ITIH1: variants seen among roughly 807,000 people sequenced by gnomAD.
ITIH1 encodes inter-alpha-trypsin inhibitor heavy chain H1.
A neutral mutation model predicts 104.6 loss-of-function variants in ITIH1; 94 were observed. The ratio of observed to expected loss-of-function variants is 0.90; its 90% CI spans 0.76 to 1.07. ITIH1 has a LOEUF of 1.07. ITIH1 is among the 50% of genes least tolerant of loss of function. The probability of loss-of-function intolerance (pLI) is 0.00; values close to 1 mark genes in which losing one functional copy is unlikely to be tolerated. For synonymous variants in ITIH1, 455 were observed against 464.4 expected (o/e 0.98, Z 0.26); for missense variants, 1,193 against 1,181.4 (o/e 1.01, Z -0.14).
intron 3 of ITIH1, chr3:52,778,710 A>G (rs1698966146): frequency 7.0e-7 from 1 of 1,424,982 alleles, no homozygotes; most frequent in South Asian, 1.5e-5. Context: ...GGGACCCATC[A>G]CAGCATGTTT....
chr3:52,788,749 TG>T (rs1699271096), intron 18 of ITIH1, among the ~76,000 whole-genome samples: 3 of 152,082 alleles, frequency 2.0e-5, no homozygotes, highest in Non-Finnish European at 2.9e-5. Context: ...TTAGTAGAGA[TG>T]GGGTTTCACC....
rs146486517 is a variant in ITIH1, at chr3:52,780,333, C to T, written c.638C>T (p.Pro213Leu). 102 of 1,613,940 alleles carry T rather than the reference C, an allele frequency of 6.3e-5. No individual in the cohort carries two copies. Among genetic ancestry groups the T allele is most frequent in the African/African-American group, 9.3e-5 (7 of 74,916 alleles). Residue 213 changes from proline (P) to leucine (L), a missense_variant, in exon 6 of 22, where the codon CCG becomes CTG. Physicochemically the swap from Pro to Leu is moderately conservative, Grantham distance 98. Coordinates refer to ENST00000273283, the MANE Select transcript of ITIH1 (RefSeq NM_002215.4). ...SKLDAQASFL[P>L]KELAAQTIKK... ...CTGGATGCCCAGGCCTCTTTCCTGC[C>T]GAAGGAACTGGCAGCCCAAACTATC... is the stretch of plus-strand genomic sequence containing the variant.
intron 16 of ITIH1, 55 bp from the exon 17 acceptor site, chr3:52,787,931 G>A (rs1699243068): frequency 6.6e-7 from 1 of 1,514,974 alleles, no homozygotes; most frequent in Non-Finnish European, 9.2e-7. Flanking sequence ...GGGATCAGCA[G>A]CTCCAGGGAA....
chr3:52,786,839 CGAATGAATGAAT>C (rs36051478), intron 13 of ITIH1, 94 bp from the exon 14 acceptor site: 103 of 1,174,612 alleles, frequency 8.8e-5, no homozygotes, highest in Admixed American at 2.1e-4. Flanking sequence ...ACTTATGTGT[CGAATGAATGAAT>C]GAATGAATGA....
rs1578746384 is a variant in ITIH1 at position 52,792,046 on chromosome 3, A to C, written c.*135A>C. On this transcript the variant is annotated 3_prime_UTR_variant, in exon 22 of 22. Transcript: ENST00000273283. ...TCAAAGCACCTCATGCCTTCCATTAAAGAGAGGCCGTGTCCACCCTGAGCT... is the reference window on the plus strand; with the variant it reads ...TCAAAGCACCTCATGCCTTCCATTACAGAGAGGCCGTGTCCACCCTGAGCT... 1 of 1,038,312 alleles carries C rather than the reference A, an allele frequency of 9.6e-7. No individual in the cohort carries two copies. Among genetic ancestry groups the C allele is most frequent in the East Asian group, 2.5e-5 (1 of 39,628 alleles). 64.3% of individuals were successfully genotyped at this position (1,038,312 alleles called of 1,614,324 possible). A position where few individuals can be genotyped will look rare whatever the true frequency, so the allele number is the denominator to read the frequency against.
rs948733235 is a variant in ITIH1, at chr3:52,778,328, G to A, written c.139-12G>A. 5 of 1,613,922 alleles carry A rather than the reference G, an allele frequency of 3.1e-6. No homozygotes were observed. In the African/African-American group the frequency reaches 4.0e-5, roughly 13 times the overall value. On this transcript the variant is annotated splice_polypyrimidine_tract_variant and intron_variant, in intron 2 of 21. Coordinates refer to ENST00000273283, the MANE Select transcript of ITIH1 (RefSeq NM_002215.4). ...CTGTCTCAGGCCACAGCTCCTTCATGTCTCACTTTAGGCTGTCGATGGCGT... is the reference window on the plus strand; with the variant it reads ...CTGTCTCAGGCCACAGCTCCTTCATATCTCACTTTAGGCTGTCGATGGCGT...
rs1406274618 is a variant in ITIH1, at chr3:52,791,523, T to C, written c.2501T>C (p.Phe834Ser). 2 of 1,613,836 alleles carry C rather than the reference T, an allele frequency of 1.2e-6. No individual in the cohort carries two copies. Among genetic ancestry groups the C allele is most frequent in the Non-Finnish European group, 1.7e-6 (2 of 1,179,888 alleles). ...CTCCAATGTGCCTTTCTAGGGCAAT[T>C]TTTCCACCCCATCGGTTTTGAAGTG... is the stretch of plus-strand genomic sequence containing the variant. ...SARTHGLLGQ[F>S]FHPIGFEVSD... is the part of the protein sequence containing the mutation. Residue 834 changes from phenylalanine (F) to serine (S), a missense_variant, in exon 21 of 22, where the codon TTT becomes TCT. Transcript: ENST00000273283.
intron 16 of ITIH1, 54 bp from the exon 17 acceptor site, chr3:52,787,932 C>T (rs1699243146): frequency 6.6e-6 from 10 of 1,522,858 alleles, no homozygotes; most frequent in Non-Finnish European, 9.1e-6. Flanking sequence ...GGATCAGCAG[C>T]TCCAGGGAAG....
chr3:52,787,233 T>A, intron 15 of ITIH1, 31 bp downstream of exon 15: 6 of 1,613,482 alleles, frequency 3.7e-6, no homozygotes, highest in Non-Finnish European at 5.1e-6. Context: ...GTTTCAGTTC[T>A]GGGCTTCGGT....
intron 8 of ITIH1, 61 bp downstream of exon 8, chr3:52,782,328 C>T: frequency 1.5e-6 from 2 of 1,313,698 alleles, no homozygotes; most frequent in African/African-American, 1.4e-5. Flanking sequence ...TCACTCACCA[C>T]ATGCCAGTTT....
chr3:52,787,497 C>T, intron 15 of ITIH1, 95 bp from the exon 16 acceptor site: 5 of 1,477,090 alleles, frequency 3.4e-6, no homozygotes, highest in Non-Finnish European at 4.7e-6. Context: ...AGAGGGACGG[C>T]TGGGCCCAGG....
At chr3:52,789,469 G>T (rs948296620) in intron 18 of ITIH1, among the ~76,000 whole-genome samples, 184 bp from the exon 19 acceptor site, 2 of 152,182 alleles carry the variant, frequency 1.3e-5, no homozygotes, top group Non-Finnish European at 2.9e-5. Context: ...TGGCAGGAGG[G>T]GTGGAGAGGA....
chr3:52,780,353 A>C lies in ITIH1; in HGVS notation c.658A>C (p.Thr220Pro). The change falls in exon 6 of 22, where the codon ACT becomes CCT. Residue 220 changes from threonine to proline, a missense_variant. Physicochemically the swap from Thr to Pro is conservative, Grantham distance 38. Transcript: ENST00000273283. ...SFLPKELAAQ[T>P]IKKSFSGKKG... ...CCTGCCGAAGGAACTGGCAGCCCAA[A>C]CTATCAAGAAGTCCTTCTCAGGAAA... The C allele has an allele frequency of 6.2e-7, 1 of 1,613,994 alleles. No homozygotes were observed. Among genetic ancestry groups the C allele is most frequent in the Non-Finnish European group, 8.5e-7 (1 of 1,179,944 alleles).
intron 16 of ITIH1, 108 bp downstream of exon 16, chr3:52,787,720 CT>C: frequency 1.5e-6 from 2 of 1,317,696 alleles, no homozygotes; most frequent in Non-Finnish European, 2.2e-6. Context: ...CACTGGGAAT[CT>C]TTAGAACAGA....
Position 52,779,193 on chromosome 3 carries a change from C to T in ITIH1, c.410+147C>T. The stretch of plus-strand genomic sequence containing the variant: ...CCCAAACCCAGATGCCAGCACGGTG[C>T]ACTGAACAGGCTGCCGTGCAGTTGC... On this transcript the variant is annotated intron_variant, in intron 4 of 21. Coordinates refer to ENST00000273283, the MANE Select transcript of ITIH1 (RefSeq NM_002215.4). This position sits in a 1 kb window ranked among gnomAD's most constrained non-coding sequence, Gnocchi z 4.4. The T allele has an allele frequency of 1.3e-6, 1 of 741,846 alleles. No homozygotes were observed. Among genetic ancestry groups the T allele is most frequent in the South Asian group, 1.6e-5 (1 of 62,448 alleles). The allele number at this position is 741,846 out of a possible 1,614,324, so 46.0% of individuals were successfully genotyped here. A position where few individuals can be genotyped will look rare whatever the true frequency, so the allele number is the denominator to read the frequency against.
chr3:52,788,168 C>T, intron 17 of ITIH1, 64 bp from the exon 18 acceptor site: 16 of 1,523,996 alleles, frequency 1.0e-5, no homozygotes, highest in Non-Finnish European at 1.5e-5. Context: ...TAGCTGAACC[C>T]CAACCCCTGG....
At position 52,785,137 on chromosome 3, in the gene ITIH1, A is replaced by G; in HGVS notation, c.1501A>G (p.Lys501Glu). The change falls in exon 12 of 22, where the codon AAA (lysine) becomes GAA (glutamate). Residue 501 changes from lysine (K) to glutamate (E), a missense_variant. Transcript: ENST00000273283. ...CTTGGCCCTGACCCAGAACCACCAT[A>G]AACAGTACTACGAAGGCTCAGAGAT... ...AVLALTQNHH[K>E]QYYEGSEIVV... The G allele has an allele frequency of 6.2e-7, 1 of 1,614,096 alleles. No homozygotes were observed. Among genetic ancestry groups the G allele is most frequent in the Non-Finnish European group, 8.5e-7 (1 of 1,180,012 alleles).
rs747995175 is a variant in ITIH1, at chr3:52,777,673, C to T, written c.58C>T (p.Leu20Phe). ...GTTGTGCATGTACCTGGTATCTCTC[C>T]TCATCCTGCAGGCCATGCCTGCCCT... ...LLLCMYLVSL[L>F]ILQAMPALGS... Residue 20 changes from leucine to phenylalanine, a missense_variant, in exon 1 of 22, where the codon CTC (leucine) becomes TTC (phenylalanine). Transcript: ENST00000273283. 1.9e-6 allele frequency: 3 copies of T among 1,606,998 alleles called. No individual in the cohort carries two copies. Among genetic ancestry groups the T allele is most frequent in the Non-Finnish European group, 2.5e-6 (3 of 1,176,814 alleles).
At chr3:52,785,305 C>A in intron 12 of ITIH1, 76 bp downstream of exon 12, 2 of 1,442,772 alleles carry the variant, frequency 1.4e-6, no homozygotes, top group South Asian at 1.2e-5. Flanking sequence ...TTCCCCATTC[C>A]TGCCATCCCC....
Sources: allele counts gnomAD v4.1 joint callset (sites outside exome capture counted in the v4.1 genomes callset), GRCh38; gene constraint gnomAD v4.1.1; non-coding constraint Gnocchi (gnomAD v3.1); transcripts MANE v1.5; gene names NCBI Gene and HGNC (gene_info 2026-07-23, HGNC 2026-07-21).